The following PTPRA variants were observed in gnomAD, a reference collection of about 807,000 sequenced individuals.
PTPRA encodes the protein receptor-type tyrosine-protein phosphatase alpha.
In PTPRA, 25 loss-of-function variants were observed where a neutral mutation model predicts 104.8. The ratio of observed to expected loss-of-function variants is 0.24; its 90% CI spans 0.17 to 0.33. PTPRA has a LOEUF of 0.33. PTPRA is among the 10% of genes least tolerant of loss of function. The probability of loss-of-function intolerance (pLI) is 1.00; values close to 1 mark genes in which losing one functional copy is unlikely to be tolerated. For synonymous variants in PTPRA, 323 were observed against 368.9 expected (o/e 0.88, Z 1.43); for missense variants, 765 against 1,015.3 (o/e 0.75, Z 3.35).
chr20:3,026,939 T>C (rs1289644472), intron 18 of PTPRA, among the ~76,000 whole-genome samples, 159 bp downstream of exon 18: 2 of 152,200 alleles, frequency 1.3e-5, no homozygotes, highest in East Asian at 1.9e-4. Context: ...TGCCTTTTGT[T>C]GCACCTTAGT....
chr20:2,913,226 A>C (rs2059786409), intron 1 of PTPRA, among the ~76,000 whole-genome samples: 1 of 152,046 alleles, frequency 6.6e-6, no homozygotes, highest in Non-Finnish European at 1.5e-5. Flanking sequence ...AAATACAAAA[A>C]AATGAGCCGA....
At chr20:2,919,847 C>A (rs1474715932) in intron 1 of PTPRA, among the ~76,000 whole-genome samples, 2 of 152,116 alleles carry the variant, frequency 1.3e-5, no homozygotes, top group African/African-American at 4.8e-5. Context: ...GCATAGCCCA[C>A]AAACTACAAA....
intron 1 of PTPRA, among the ~76,000 whole-genome samples, chr20:2,910,006 TATATCATATATAATCTATCATATATC>T (rs60504426): frequency 0.23 from 20,905 of 89,748 alleles, 2,737 homozygotes; most frequent in African/African-American, 0.48. Context: ...TAATCTATCA[TATATCATATATAATCTATCATATATC>T]ATATCATATA....
chr20:2,938,173 T>A (rs1233913951), intron 2 of PTPRA, among the ~76,000 whole-genome samples: 1 of 151,764 alleles, frequency 6.6e-6, no homozygotes, highest in East Asian at 1.9e-4. Flanking sequence ...AGATAGATAG[T>A]TGATTTTGTT....
intron 1 of PTPRA, among the ~76,000 whole-genome samples, chr20:2,913,614 T>C (rs1019952850): frequency 1.3e-5 from 2 of 152,198 alleles, no homozygotes; most frequent in Admixed American, 6.5e-5. Context: ...TCTTCATCTT[T>C]AGATTCAGAT....
At chr20:2,896,504 G>C (rs1015991681) in intron 1 of PTPRA, among the ~76,000 whole-genome samples, 5 of 152,206 alleles carry the variant, frequency 3.3e-5, no homozygotes, top group Non-Finnish European at 7.3e-5. Flanking sequence ...AGATTCCACA[G>C]GTTGTTAATG....
intron 1 of PTPRA, among the ~76,000 whole-genome samples, chr20:2,910,589 G>GTTTT (rs1423909050): frequency 1.4e-4 from 8 of 57,986 alleles, no homozygotes; most frequent in Admixed American, 3.2e-4. Flanking sequence ...TTTTTTTTTT[G>GTTTT]TTTTTTTTTT....
intron 1 of PTPRA, among the ~76,000 whole-genome samples, chr20:2,881,243 G>A (rs1358482585): frequency 1.3e-5 from 2 of 151,754 alleles, no homozygotes; most frequent in Admixed American, 6.6e-5. Context: ...CCCAGGAGGC[G>A]GAGTTTGCAG....
intron 1 of PTPRA, among the ~76,000 whole-genome samples, chr20:2,916,109 G>T (rs569430250): frequency 6.6e-6 from 1 of 152,182 alleles, no homozygotes; most frequent in East Asian, 1.9e-4. Flanking sequence ...GAGCAGTCTT[G>T]GCTCACTGCA....
rs533304249 is a variant in PTPRA at position 2,881,895 on chromosome 20, G to C, written c.-129+8135G>C. Among the ~76,000 whole-genome samples, 10 of 152,296 alleles carry C rather than the reference G, an allele frequency of 6.6e-5. No individual in the cohort carries two copies. In the South Asian group the frequency reaches 2.1e-3, roughly 32 times the overall value. On this transcript the variant is annotated intron_variant, in intron 1 of 23. Transcript: ENST00000399903. ...CACACCTGTAGTCCCAGCTACTCGG[G>C]AGGCTGAGGCAGGAGAATCGCTTGA...
At chr20:3,007,645 CTG>C (rs1159522005) in intron 11 of PTPRA, among the ~76,000 whole-genome samples, 1 of 152,096 alleles carries the variant, frequency 6.6e-6, no homozygotes, top group Non-Finnish European at 1.5e-5. Context: ...ATGTAGAAAT[CTG>C]TGTCTAAATA....
At chr20:3,026,315 G>A (rs562122534) in intron 17 of PTPRA, among the ~76,000 whole-genome samples, 8 of 152,302 alleles carry the variant, frequency 5.3e-5, no homozygotes, top group African/African-American at 1.4e-4. Flanking sequence ...ATGTCAAGAA[G>A]GAGCCTCAAT....
intron 1 of PTPRA, among the ~76,000 whole-genome samples, chr20:2,882,482 G>A (rs886340325): frequency 1.3e-5 from 2 of 151,766 alleles, no homozygotes; most frequent in Non-Finnish European, 2.9e-5. Context: ...TAGGAGAGAT[G>A]AGGTCTCACT....
At chr20:2,865,672 A>G in the PTPRA span, among the ~76,000 whole-genome samples, 2 of 152,202 alleles carry the variant, frequency 1.3e-5, no homozygotes, top group Non-Finnish European at 2.9e-5. This position sits in a 1 kb window ranked among gnomAD's most constrained non-coding sequence, Gnocchi z 5.2. Context: ...TGTTGGGTGC[A>G]CTGGAGGATG....
At chr20:2,921,994 C>T (rs2060115005) in intron 1 of PTPRA, among the ~76,000 whole-genome samples, 1 of 152,172 alleles carries the variant, frequency 6.6e-6, no homozygotes, top group African/African-American at 2.4e-5. Flanking sequence ...AGATGCTTAG[C>T]AGCATCCTAG....
intron 3 of PTPRA, among the ~76,000 whole-genome samples, chr20:2,962,784 G>T (rs2061801491): frequency 6.6e-6 from 1 of 152,208 alleles, no homozygotes; most frequent in South Asian, 2.1e-4. Flanking sequence ...GAAGGCCACT[G>T]CTGAACCCAT....
At chr20:2,975,769 G>T (rs1298417750) in intron 6 of PTPRA, among the ~76,000 whole-genome samples, 1 of 152,140 alleles carries the variant, frequency 6.6e-6, no homozygotes, top group Non-Finnish European at 1.5e-5. Context: ...GGGGACATGG[G>T]TACTTGTCTG....
At position 3,022,248 on chromosome 20, in the gene PTPRA, C is replaced by G. The variant is rs767735778; in HGVS notation, c.1328+28C>G. On this transcript the variant is annotated intron_variant, in intron 15 of 23. Transcript: ENST00000399903. The surrounding 1 kb of genome is among the most constrained non-coding windows in gnomAD (Gnocchi z 4.6). ...CAGTGTGGCCTGACCCTTGTACCCC[C>G]ACCCCCACATTTCGCCCCCATGGCC... 1 of 1,610,650 alleles carries G rather than the reference C, an allele frequency of 6.2e-7. No homozygotes were observed. Among genetic ancestry groups the G allele is most frequent in the Admixed American group, 1.7e-5 (1 of 59,860 alleles).
In PTPRA at chr20:2,878,083, G is replaced by A. The variant is rs1450932794; in HGVS notation, c.-129+4323G>A. Among the ~76,000 whole-genome samples the A allele has an allele frequency of 3.9e-5, 6 of 152,268 alleles. No individual in the cohort carries two copies. The South Asian group carries it at 6.2e-4, about 16-fold the overall frequency. ...TGAGAATCACTTGAACCCAGGAGGC[G>A]GAAGTTGCAGTGAGCCAAGATCTTG... is the stretch of plus-strand genomic sequence containing the variant. On this transcript the variant is annotated intron_variant, in intron 1 of 23. Coordinates refer to ENST00000399903, the MANE Select transcript of PTPRA (RefSeq NM_001385305.1).
Sources: allele counts gnomAD v4.1 joint callset (sites outside exome capture counted in the v4.1 genomes callset), GRCh38; gene constraint gnomAD v4.1.1; non-coding constraint Gnocchi (gnomAD v3.1); transcripts MANE v1.5; gene names NCBI Gene and HGNC (gene_info 2026-07-23, HGNC 2026-07-21).